Variants in IL1RAPL1 observed in about 807,000 individuals in gnomAD.
IL1RAPL1 encodes interleukin 1 receptor accessory protein like 1, also known as interleukin-1 receptor accessory protein-like 1.
In IL1RAPL1, 3 loss-of-function variants were observed where a neutral mutation model predicts 48.4. That is an observed-to-expected ratio of 0.06 (90% confidence interval 0.03 to 0.16). The LOEUF (loss-of-function observed/expected upper bound fraction) is 0.16. Ranked by LOEUF, IL1RAPL1 falls within the 10% of genes least tolerant of loss-of-function variation. The pLI is 1.00. For missense variants in IL1RAPL1, 349 were observed against 530.6 expected, an observed-to-expected ratio of 0.66 and a Z score of 3.36; for synonymous variants, 185 against 187.7, an observed-to-expected ratio of 0.99 and a Z score of 0.12.
intron 5 of IL1RAPL1, among the ~76,000 whole-genome samples, chrX:29,497,588 T>C (rs1935227186): frequency 9.0e-6 from 1 of 111,638 alleles, no homozygotes; most frequent in Non-Finnish European, 1.9e-5. Context: ...ATTCATAACT[T>C]GAATTCATTT....
chrX:28,878,650 C>T (rs1321487311), intron 2 of IL1RAPL1, among the ~76,000 whole-genome samples: 1 of 111,606 alleles, frequency 9.0e-6, no homozygotes, highest in Non-Finnish European at 1.9e-5. Flanking sequence ...ACAAGAGGGG[C>T]ATCTGTGAGT....
At chrX:28,759,820 A>G (rs770598353) in intron 1 of IL1RAPL1, among the ~76,000 whole-genome samples, 1 of 111,580 alleles carries the variant, frequency 9.0e-6, no homozygotes, top group South Asian at 3.8e-4. Context: ...CTCCTGAACC[A>G]CTGCTAAATC....
rs1040220493 is a variant in IL1RAPL1, at chrX:29,895,322, G to A, written c.779-22142G>A. 5.4e-5 allele frequency among the ~76,000 whole-genome samples: 6 copies of A among 110,207 alleles called. No individual in the cohort carries two copies. In the South Asian group the frequency reaches 1.2e-3, roughly 22 times the overall value. ...TCCCAACACTTTGGGAGGCTGAGGCGGGTGGATCACTTTAGGTCAGGAGTT... is the reference window on the plus strand; with the variant it reads ...TCCCAACACTTTGGGAGGCTGAGGCAGGTGGATCACTTTAGGTCAGGAGTT... On this transcript the variant is annotated intron_variant, in intron 6 of 10. Coordinates refer to ENST00000378993, the MANE Select transcript of IL1RAPL1 (RefSeq NM_014271.4).
At chrX:29,246,594 A>G (rs1225987287) in intron 2 of IL1RAPL1, among the ~76,000 whole-genome samples, 1 of 111,443 alleles carries the variant, frequency 9.0e-6, no homozygotes, top group African/African-American at 3.3e-5. Context: ...TTTCTGTGAA[A>G]AGCTGGTTTA....
intron 5 of IL1RAPL1, among the ~76,000 whole-genome samples, chrX:29,517,988 C>T (rs112593873): frequency 0.011 from 1,263 of 111,452 alleles, 18 homozygotes; most frequent in African/African-American, 0.039. Flanking sequence ...GAAGAGGAAC[C>T]GTCATTGGTT....
chrX:29,484,514 A>G (rs1180918210), intron 5 of IL1RAPL1, among the ~76,000 whole-genome samples: 1 of 112,163 alleles, frequency 8.9e-6, no homozygotes, highest in Non-Finnish European at 1.9e-5. Flanking sequence ...AAAATACTAT[A>G]TTAGATCATA....
At chrX:29,198,816 G>C (rs1437980393) in intron 2 of IL1RAPL1, among the ~76,000 whole-genome samples, 1 of 111,343 alleles carries the variant, frequency 9.0e-6, no homozygotes, top group Non-Finnish European at 1.9e-5. Flanking sequence ...CTTGGTGTGG[G>C]ATCTGTATTT....
intron 6 of IL1RAPL1, among the ~76,000 whole-genome samples, chrX:29,795,755 T>C (rs775383765): frequency 6.0e-4 from 68 of 112,940 alleles, no homozygotes; most frequent in African/African-American, 2.0e-3. Flanking sequence ...CTTTTTCATA[T>C]TTAAGAAATG....
At chrX:28,927,746 C>G (rs1408737390) in intron 2 of IL1RAPL1, among the ~76,000 whole-genome samples, 1 of 110,213 alleles carries the variant, frequency 9.1e-6, no homozygotes, top group Non-Finnish European at 1.9e-5. Flanking sequence ...ACTACTTGCT[C>G]CTTCTGGAAA....
At chrX:29,167,030 A>G (rs761877053) in intron 2 of IL1RAPL1, among the ~76,000 whole-genome samples, 1 of 112,110 alleles carries the variant, frequency 8.9e-6, no homozygotes, top group East Asian at 2.8e-4. Context: ...AGCAATAATC[A>G]TAGATATAAT....
At chrX:28,745,344 AT>A (rs1244082215) in intron 1 of IL1RAPL1, among the ~76,000 whole-genome samples, 1 of 111,501 alleles carries the variant, frequency 9.0e-6, no homozygotes, top group Admixed American at 9.6e-5. Flanking sequence ...AGCCTATAGT[AT>A]TGGCTTAAGA....
chrX:29,082,950 A>G (rs183708130), intron 2 of IL1RAPL1, among the ~76,000 whole-genome samples: 50 of 111,990 alleles, frequency 4.5e-4, no homozygotes, highest in African/African-American at 1.6e-3. Context: ...CTATATATAT[A>G]TATTTCTTTT....
chrX:29,275,817 C>T (rs1176349518), intron 2 of IL1RAPL1, among the ~76,000 whole-genome samples: 1 of 111,919 alleles, frequency 8.9e-6, no homozygotes, highest in Non-Finnish European at 1.9e-5. Context: ...ACATCATATG[C>T]GGTCTATAAC....
chrX:29,932,830 C>A (rs1932970534), intron 8 of IL1RAPL1, among the ~76,000 whole-genome samples: 1 of 111,757 alleles, frequency 8.9e-6, no homozygotes, highest in South Asian at 3.7e-4. Flanking sequence ...GACATGAGCA[C>A]CTTTAACGCA....
intron 6 of IL1RAPL1, among the ~76,000 whole-genome samples, chrX:29,721,858 T>C (rs951000819): frequency 2.0e-4 from 22 of 112,238 alleles, no homozygotes; most frequent in African/African-American, 6.8e-4. Context: ...ATTAAAAATA[T>C]CTTTAGAATA....
At chrX:29,239,887 A>G (rs1055845386) in intron 2 of IL1RAPL1, among the ~76,000 whole-genome samples, 2 of 109,767 alleles carry the variant, frequency 1.8e-5, no homozygotes, top group Non-Finnish European at 3.8e-5. Flanking sequence ...CCTTTCTTCA[A>G]TCTTTAAAGT....
chrX:28,917,733 T>C (rs1208231842), intron 2 of IL1RAPL1, among the ~76,000 whole-genome samples: 1 of 112,530 alleles, frequency 8.9e-6, no homozygotes, highest in African/African-American at 3.2e-5. Flanking sequence ...TAAATAATTA[T>C]TGGCTTACTG....
chrX:28,919,625 G>A (rs1923569791), intron 2 of IL1RAPL1, among the ~76,000 whole-genome samples: 1 of 111,752 alleles, frequency 8.9e-6, no homozygotes, highest in Admixed American at 9.5e-5. Context: ...TCTGGAAATA[G>A]GCATAATGAC....
chrX:28,884,309 G>A (rs1214085534), intron 2 of IL1RAPL1, among the ~76,000 whole-genome samples: 1 of 111,574 alleles, frequency 9.0e-6, no homozygotes, highest in Non-Finnish European at 1.9e-5. Flanking sequence ...AAATGCCTGG[G>A]ATCAACTAAA....
Sources: allele counts gnomAD v4.1 joint callset (sites outside exome capture counted in the v4.1 genomes callset), GRCh38; gene constraint gnomAD v4.1.1; transcripts MANE v1.5; gene names NCBI Gene and HGNC (gene_info 2026-07-23, HGNC 2026-07-21).